Variants in NGF observed in about 807,000 individuals in gnomAD.
NGF encodes the protein nerve growth factor, also known as beta-nerve growth factor.
A neutral mutation model predicts 12.8 loss-of-function variants in NGF; 4 were observed. The observed-to-expected ratio is 0.31, with a 90% CI of 0.15 to 0.72. The LOEUF is 0.72. Among genes scored for constraint, NGF ranks in the 30% least tolerant of loss-of-function variants. The probability of loss-of-function intolerance (pLI) is 0.69; values close to 1 mark genes in which losing one functional copy is unlikely to be tolerated. For missense variants in NGF, 283 were observed against 330.8 expected (o/e 0.86, Z 1.12); for synonymous variants, 140 against 130.0 (o/e 1.08, Z -0.52).
chr1:115,303,472 A>G (rs1003849626), intron 1 of NGF, among the ~76,000 whole-genome samples: 2 of 151,608 alleles, frequency 1.3e-5, no homozygotes, highest in African/African-American at 4.8e-5. Flanking sequence ...TTTCTCCATC[A>G]CCATCATCAC....
chr1:115,323,261 C>T (rs1016519283), intron 1 of NGF, among the ~76,000 whole-genome samples: 1 of 152,056 alleles, frequency 6.6e-6, no homozygotes, highest in African/African-American at 2.4e-5. Context: ...CTTCATCAGC[C>T]CTGTATTTCT....
intron 1 of NGF, among the ~76,000 whole-genome samples, chr1:115,314,856 G>A (rs944682709): frequency 5.9e-5 from 9 of 152,238 alleles, no homozygotes; most frequent in South Asian, 2.1e-4. Flanking sequence ...GGAAATGTCC[G>A]TTGGTGATAA....
At chr1:115,337,267 G>GTTTGTTGTT in intron 1 of NGF, among the ~76,000 whole-genome samples, 1 of 81,030 alleles carries the variant, frequency 1.2e-5, no homozygotes, top group African/African-American at 5.3e-5. Flanking sequence ...TTTTGTTTTT[G>GTTTGTTGTT]TTTTTTTTTT....
chr1:115,316,413 CT>C (rs1654476378), intron 1 of NGF, among the ~76,000 whole-genome samples: 1 of 152,042 alleles, frequency 6.6e-6, no homozygotes, highest in Non-Finnish European at 1.5e-5. Context: ...TGATTGTCCA[CT>C]TGTTTTTTTT....
chr1:115,337,294 T>G lies in NGF; in HGVS notation c.-137+910A>C, dbSNP rs1440066248. ...TTTTTTTTTTTTTTTTTTTTTTTTTTTTTTTTTTTTTAGAAGGAGGTTTGT... is the reference window on the plus strand; with the variant it reads ...TTTTTTTTTTTTTTTTTTTTTTTTTGTTTTTTTTTTTAGAAGGAGGTTTGT... On this transcript the variant is annotated intron_variant, in intron 1 of 2. Coordinates refer to ENST00000369512, the MANE Select transcript of NGF (RefSeq NM_002506.3). 2.7e-5 allele frequency among the ~76,000 whole-genome samples: 3 copies of G among 110,216 alleles called. 1 individual carries two copies. Among genetic ancestry groups the G allele is most frequent in the East Asian group, 5.9e-4 (2 of 3,412 alleles). The allele number at this position is 110,216 out of a possible 152,430, so 72.3% of individuals were successfully genotyped here.
At position 115,290,980 on chromosome 1, in the gene NGF, C is replaced by T. The variant is rs539847148; in HGVS notation, c.-13+2647G>A. On this transcript the variant is annotated intron_variant, in intron 2 of 2. Coordinates refer to ENST00000369512, the MANE Select transcript of NGF (RefSeq NM_002506.3). ...TCAGGTAATTATGAAGTTTTCTACC[C>T]TGCCTTGCATCTGCTGGTTTGACTG... Among the ~76,000 whole-genome samples the T allele has an allele frequency of 4.6e-5, 7 of 152,316 alleles. No individual in the cohort carries two copies. In the South Asian group the frequency reaches 1.2e-3, roughly 27 times the overall value.
At chr1:115,332,134 G>A (rs1489384632) in intron 1 of NGF, among the ~76,000 whole-genome samples, 2 of 152,206 alleles carry the variant, frequency 1.3e-5, no homozygotes, top group African/African-American at 2.4e-5. Flanking sequence ...GAGTTGTTAC[G>A]TGGAGTAAGG....
intron 1 of NGF, among the ~76,000 whole-genome samples, chr1:115,312,885 C>A (rs1463586348): frequency 1.3e-5 from 2 of 152,152 alleles, no homozygotes; most frequent in Non-Finnish European, 2.9e-5. Flanking sequence ...CAGAGCTCTC[C>A]ACATGCATTG....
At chr1:115,297,411 C>A (rs77734076) in intron 1 of NGF, among the ~76,000 whole-genome samples, 1 of 152,126 alleles carries the variant, frequency 6.6e-6, no homozygotes, top group African/African-American at 2.4e-5. Context: ...GGCTTCTTCC[C>A]TCTTCTGGAC....
chr1:115,326,736 G>A (rs1391268006), intron 1 of NGF, among the ~76,000 whole-genome samples: 1 of 152,088 alleles, frequency 6.6e-6, no homozygotes, highest in Non-Finnish European at 1.5e-5. Flanking sequence ...CAATACCAGG[G>A]CAAGTGACTG....
chr1:115,290,159 G>A (rs983682271), intron 2 of NGF, among the ~76,000 whole-genome samples: 2 of 152,144 alleles, frequency 1.3e-5, no homozygotes, highest in South Asian at 4.2e-4. Flanking sequence ...CCCTCACATA[G>A]TTTGCATTCC....
chr1:115,318,046 T>C (rs543159528), intron 1 of NGF, among the ~76,000 whole-genome samples: 1 of 152,162 alleles, frequency 6.6e-6, no homozygotes, highest in Non-Finnish European at 1.5e-5. Flanking sequence ...GGGACCCCAC[T>C]GTATATGCTC....
In NGF at chr1:115,286,090, T is replaced by G. The variant is rs561107153; in HGVS notation, c.706A>C (p.Lys236Gln). The G allele has an allele frequency of 2.5e-6, 4 of 1,613,420 alleles. No individual in the cohort carries two copies. In the South Asian group the frequency reaches 4.4e-5, roughly 18 times the overall value. Residue 236 changes from lysine to glutamine, a missense_variant, in exon 3 of 3, where the codon AAG becomes CAG. Around this residue, in one of 2 missense-constraint regions of NGF, gnomAD observed 132 missense variants for 189.2 expected, o/e 0.70. Coordinates refer to ENST00000369512, the MANE Select transcript of NGF (RefSeq NM_002506.3). ...GCAGGTCAGGCTCTTCTCACAGCCT[T>G]CCTGCTGAGCACACACACACAGGCC... ...DTACVCVLSR[K>Q]AVRRA
Position 115,337,444 on chromosome 1 carries a change from C to T in NGF, c.-137+760G>A, listed in dbSNP as rs971472465. ...TCAAGGCGCTCCCCGCCCTAACCTT[C>T]CACGCCCGCTTCTCCCACACCTGGC... is the stretch of plus-strand genomic sequence containing the variant. On this transcript the variant is annotated intron_variant, in intron 1 of 2. Coordinates refer to ENST00000369512, the MANE Select transcript of NGF (RefSeq NM_002506.3). Among the ~76,000 whole-genome samples the T allele has an allele frequency of 3.3e-5, 5 of 151,994 alleles. No individual in the cohort carries two copies. The East Asian group carries it at 9.7e-4, about 29-fold the overall frequency.
chr1:115,320,971 AC>A (rs1012014481), intron 1 of NGF, among the ~76,000 whole-genome samples: 33 of 152,270 alleles, frequency 2.2e-4, no homozygotes, highest in African/African-American at 7.7e-4. Flanking sequence ...GCAGTCCGCC[AC>A]TATGTGAGAC....
intron 1 of NGF, among the ~76,000 whole-genome samples, chr1:115,333,693 C>CTTTCT (rs1557949224): frequency 9.5e-5 from 6 of 63,104 alleles, no homozygotes; most frequent in African/African-American, 7.3e-4. Context: ...TTCTTTCTTT[C>CTTTCT]TTTCTTTCTT....
Position 115,337,267 on chromosome 1 carries a change from G to GTTTGTTTGTTTTTTTTTTTTTTTTTTTTT in NGF, c.-137+936_-137+937insAAAAAAAAAAAAAAAAAAAAACAAACAAA. Among the ~76,000 whole-genome samples, 10 of 81,030 alleles carry GTTTGTTTGTTTTTTTTTTTTTTTTTTTTT rather than the reference G, an allele frequency of 1.2e-4. 1 individual carries two copies. Among genetic ancestry groups the GTTTGTTTGTTTTTTTTTTTTTTTTTTTTT allele is most frequent in the African/African-American group, 4.8e-4 (9 of 18,860 alleles). 53.2% of individuals were successfully genotyped at this position (81,030 alleles called of 152,430 possible). On this transcript the variant is annotated intron_variant, in intron 1 of 2. Transcript: ENST00000369512. The stretch of plus-strand genomic sequence containing the variant: ...TCGAAATTTTTTTTGTTTTGTTTTT[G>GTTTGTTTGTTTTTTTTTTTTTTTTTTTTT]TTTTTTTTTTTTTTTTTTTTTTTTT...
intron 1 of NGF, among the ~76,000 whole-genome samples, chr1:115,331,133 TGGCTATATTCCA>T (rs1406839207): frequency 1.3e-5 from 2 of 152,218 alleles, no homozygotes; most frequent in East Asian, 3.9e-4. Context: ...TACTGGGCAT[TGGCTATATTCCA>T]GACTCTGAGG....
chr1:115,317,110 TA>T (rs201127474), intron 1 of NGF, among the ~76,000 whole-genome samples: 5,375 of 142,320 alleles, frequency 0.038, 117 homozygotes, highest in East Asian at 0.055. Flanking sequence ...ACCCAGTTGG[TA>T]AAAAAAAAAA....
Sources: gnomAD v4.1 joint callset for allele counts (sites outside exome capture counted in the v4.1 genomes callset) on GRCh38, gnomAD v4.1.1 for gene constraint, gnomAD v4.1.1 regional missense constraint, MANE v1.5 for transcripts, NCBI Gene and HGNC (gene_info 2026-07-23, HGNC 2026-07-21) for gene names.